MPHOSPH8: variants seen among roughly 807,000 people sequenced by gnomAD.
MPHOSPH8 encodes M-phase phosphoprotein 8.
A neutral mutation model predicts 87.3 loss-of-function variants in MPHOSPH8; 45 were observed. That is an observed-to-expected ratio of 0.52 (90% CI 0.41 to 0.66). The LOEUF (loss-of-function observed/expected upper bound fraction) is 0.66. MPHOSPH8 is among the 30% of genes least tolerant of loss of function. The pLI is 0.00. For missense variants in MPHOSPH8, 883 were observed against 1,020.2 expected, an observed-to-expected ratio of 0.87 and a Z score of 1.83; for synonymous variants, 366 against 376.9, an observed-to-expected ratio of 0.97 and a Z score of 0.33.
rs1419206799 is a variant in MPHOSPH8, at chr13:19,672,902, C to G, written c.*1027C>G. 2.8e-6 allele frequency: 1 copy of G among 356,806 alleles called. No homozygotes were observed. The highest frequency in any genetic ancestry group is 5.4e-6 in the Non-Finnish European group (1 of 183,730). The allele number at this position is 356,806 out of a possible 1,614,324, so 22.1% of individuals were successfully genotyped here. A position where few individuals can be genotyped will look rare whatever the true frequency, so the allele number is the denominator to read the frequency against. On this transcript the variant is annotated 3_prime_UTR_variant, in exon 14 of 14. Coordinates refer to ENST00000361479, the MANE Select transcript of MPHOSPH8 (RefSeq NM_017520.4). ...TTGCTTAAGTCCAGGAGTTCAAGAC[C>G]AGCCTGGGTAACATGGGGTGGAACA...
intron 11 of MPHOSPH8, 114 bp downstream of exon 11, chr13:19,668,645 A>G (rs776608686): frequency 7.1e-5 from 85 of 1,199,998 alleles, no homozygotes; most frequent in Non-Finnish European, 8.9e-5. Flanking sequence ...CATTACGTGT[A>G]ATAATTCTGC....
intron 5 of MPHOSPH8, among the ~76,000 whole-genome samples, chr13:19,650,566 T>G (rs1874789866): frequency 6.6e-6 from 1 of 152,230 alleles, no homozygotes; most frequent in Non-Finnish European, 1.5e-5. Context: ...TTAATAGATT[T>G]CTTTCAGGAA....
chr13:19,672,882 T>TAAG lies in MPHOSPH8; in HGVS notation c.*1008_*1010dup, dbSNP rs1345191510. On this transcript the variant is annotated 3_prime_UTR_variant, in exon 14 of 14. Transcript: ENST00000361479. Reference sequence around the variant, plus strand: ...TGGAGGCTGAGGTTGGAGGATTGCTTAAGTCCAGGAGTTCAAGACCAGCCT... The same window carrying TAAG: ...TGGAGGCTGAGGTTGGAGGATTGCTTAAGAAGTCCAGGAGTTCAAGACCAGCCT... The TAAG allele has an allele frequency of 8.3e-5, 29 of 347,994 alleles. No homozygotes were observed. The Admixed American group carries it at 1.1e-3, about 13-fold the overall frequency. The allele number at this position is 347,994 out of a possible 1,614,324, so 21.6% of individuals were successfully genotyped here.
In MPHOSPH8 at chr13:19,668,547, CCTTCACACTTTT is replaced by C; in HGVS notation, c.2329+19_2329+30del. ...ATACCAGAAGGTAAGCCGATGCCTC[CCTTCACACTTTT>C]CTATGTGAAGTGTGACACTATATTA... On this transcript the variant is annotated intron_variant, in intron 11 of 13. Coordinates refer to ENST00000361479, the MANE Select transcript of MPHOSPH8 (RefSeq NM_017520.4). 5 of 1,605,288 alleles carry C rather than the reference CCTTCACACTTTT, an allele frequency of 3.1e-6. No homozygotes were observed. The highest frequency in any genetic ancestry group is 4.3e-6 in the Non-Finnish European group (5 of 1,175,898).
At chr13:19,671,394 T>TAG (rs1876118512) in intron 13 of MPHOSPH8, 105 bp downstream of exon 13, 2 of 955,244 alleles carry the variant, frequency 2.1e-6, no homozygotes, top group South Asian at 1.4e-5. Context: ...GTACCTGTCC[T>TAG]AGAGACAGGC....
At chr13:19,656,692 G>A (rs936890964) in intron 5 of MPHOSPH8, among the ~76,000 whole-genome samples, 8 of 152,014 alleles carry the variant, frequency 5.3e-5, no homozygotes, top group Non-Finnish European at 8.8e-5. Context: ...CCGGGAAGGC[G>A]GAGGTTGCAG....
At chr13:19,640,645 C>G (rs1391834612) in intron 1 of MPHOSPH8, among the ~76,000 whole-genome samples, 2 of 151,850 alleles carry the variant, frequency 1.3e-5, no homozygotes, top group African/African-American at 4.8e-5. Flanking sequence ...ATCTGGGACT[C>G]TAGGTGCCTA....
intron 5 of MPHOSPH8, among the ~76,000 whole-genome samples, chr13:19,651,519 T>G (rs2137518636): frequency 1.4e-5 from 2 of 144,378 alleles, no homozygotes; most frequent in African/African-American, 5.2e-5. Flanking sequence ...ACAGTGAGAC[T>G]CCACCTCCAA....
At chr13:19,670,819 ACTT>A in intron 12 of MPHOSPH8, 2 of 1,128,730 alleles carry the variant, frequency 1.8e-6, no homozygotes, top group Non-Finnish European at 2.2e-6. Flanking sequence ...AAAATAAATC[ACTT>A]TTTTTTTTTT....
rs869295535 is a variant in MPHOSPH8, at chr13:19,641,480, C to CTTT, written c.214-610_214-608dup. On this transcript the variant is annotated intron_variant, in intron 1 of 13. Coordinates refer to ENST00000361479, the MANE Select transcript of MPHOSPH8 (RefSeq NM_017520.4). ...TGGGACTACAGGCACGTGCCACCAT[C>CTTT]TTTTTTTTTTTTTTTTTTTTTTTTT... Among the ~76,000 whole-genome samples, 14 of 72,292 alleles carry CTTT rather than the reference C, an allele frequency of 1.9e-4. 1 individual carries two copies. Among genetic ancestry groups the CTTT allele is most frequent in the African/African-American group, 5.5e-4 (7 of 12,756 alleles). The allele number at this position is 72,292 out of a possible 152,430, so 47.4% of individuals were successfully genotyped here.
rs1369394955 is a variant in MPHOSPH8 at position 19,672,168 on chromosome 13, G to C, written c.*293G>C. ...CTTCACTTTCTTTTTTCTGGAGACG[G>C]AGTTTCGCTCTTGTTGCCCAGGCTG... On this transcript the variant is annotated 3_prime_UTR_variant, in exon 14 of 14. Transcript: ENST00000361479. The C allele has an allele frequency of 3.2e-6, 1 of 311,286 alleles. No individual in the cohort carries two copies. The highest frequency in any genetic ancestry group is 6.0e-6 in the Non-Finnish European group (1 of 165,748). The allele number at this position is 311,286 out of a possible 1,614,324, so 19.3% of individuals were successfully genotyped here.
At chr13:19,660,803 A>T (rs1449887507) in intron 7 of MPHOSPH8, 2 of 368,048 alleles carry the variant, frequency 5.4e-6, no homozygotes, top group Non-Finnish European at 7.5e-6. Context: ...AAGTGTGTGT[A>T]ACTCCAGTCA....
At chr13:19,637,342 G>A (rs1350697701) in intron 1 of MPHOSPH8, among the ~76,000 whole-genome samples, 1 of 152,144 alleles carries the variant, frequency 6.6e-6, no homozygotes, top group East Asian at 1.9e-4. Context: ...TATCAGAAAT[G>A]TAAGAATTAG....
chr13:19,667,622 G>C (rs572805223), intron 10 of MPHOSPH8, among the ~76,000 whole-genome samples: 9 of 152,032 alleles, frequency 5.9e-5, no homozygotes, highest in Admixed American at 4.6e-4. Context: ...GGTCTTTGCA[G>C]GTTGGCCTCT....
intron 1 of MPHOSPH8, among the ~76,000 whole-genome samples, chr13:19,641,321 ATT>A (rs35454448): frequency 0.16 from 17,558 of 106,634 alleles, 1,466 homozygotes; most frequent in African/African-American, 0.28. Context: ...TGCCCAGCTA[ATT>A]TTTTTTTTTT....
chr13:19,649,592 T>A (rs1874737780), intron 4 of MPHOSPH8, among the ~76,000 whole-genome samples: 1 of 152,222 alleles, frequency 6.6e-6, no homozygotes, highest in Non-Finnish European at 1.5e-5. Context: ...TCTGGCACCC[T>A]GCTGTTTCCC....
At chr13:19,656,633 G>T (rs993985126) in intron 5 of MPHOSPH8, among the ~76,000 whole-genome samples, 2 of 151,488 alleles carry the variant, frequency 1.3e-5, no homozygotes, top group Non-Finnish European at 2.9e-5. Flanking sequence ...GGTGGCACAT[G>T]TCTGTAATCC....
chr13:19,662,959 A>C, intron 8 of MPHOSPH8, 81 bp from the exon 9 acceptor site: 1 of 1,227,616 alleles, frequency 8.1e-7, no homozygotes, highest in Non-Finnish European at 1.2e-6. Flanking sequence ...ATTTTTCCTG[A>C]TGACTAAAAA....
chr13:19,661,799 G>A lies in MPHOSPH8; in HGVS notation c.1893G>A (p.Gln631=). 6.2e-7 allele frequency: 1 copy of A among 1,613,484 alleles called. No homozygotes were observed. Among genetic ancestry groups the A allele is most frequent in the South Asian group, 1.1e-5 (1 of 90,920 alleles). The stretch of plus-strand genomic sequence containing the variant: ...AAGGCGCGAAAGTGAACGGTCGGCA[G>A]AAGAACGGGACCACCGCCCTCATTC... The part of the protein sequence containing the change: ...ITKGAKVNGR[Q]KNGTTALIHA... Residue 631 remains glutamine, a synonymous_variant, in exon 8 of 14, where the codon CAG becomes CAA. Coordinates refer to ENST00000361479, the MANE Select transcript of MPHOSPH8 (RefSeq NM_017520.4).
Sources: gnomAD v4.1 joint callset for allele counts (sites outside exome capture counted in the v4.1 genomes callset) on GRCh38, gnomAD v4.1.1 for gene constraint, MANE v1.5 for transcripts, NCBI Gene and HGNC (gene_info 2026-07-23, HGNC 2026-07-21) for gene names.